MALRD1: variants seen among roughly 807,000 people sequenced by gnomAD.
MALRD1 encodes the protein MAM and LDL-receptor class A domain-containing protein 1.
In MALRD1, 247 loss-of-function variants were observed where a neutral mutation model predicts 242.1. The ratio of observed to expected loss-of-function variants is 1.02; its 90% CI spans 0.92 to 1.13. MALRD1 has a LOEUF of 1.13. Among genes scored for constraint, MALRD1 ranks in the 50% most tolerant of loss-of-function variants. The pLI, the probability that MALRD1 is intolerant of heterozygous loss-of-function variation, is 0.00. For missense variants in MALRD1, 2,989 were observed against 2,533.1 expected (o/e 1.18, Z -3.86); for synonymous variants, 995 against 866.6 (o/e 1.15, Z -2.60).
intron 20 of MALRD1, 94 bp downstream of exon 20, chr10:19,280,317 T>C: frequency 1.1e-6 from 1 of 951,902 alleles, no homozygotes; most frequent in Non-Finnish European, 1.4e-6. Flanking sequence ...CATAGTTAGA[T>C]ATATTCAACA....
At chr10:19,537,185 G>A (rs1243562456) in intron 32 of MALRD1, among the ~76,000 whole-genome samples, 1 of 152,122 alleles carries the variant, frequency 6.6e-6, no homozygotes, top group Non-Finnish European at 1.5e-5. Flanking sequence ...AAAACCATGG[G>A]AAGCTATCGG....
At chr10:19,252,963 T>G (rs1839359687) in intron 18 of MALRD1, among the ~76,000 whole-genome samples, 1 of 152,028 alleles carries the variant, frequency 6.6e-6, no homozygotes, top group Non-Finnish European at 1.5e-5. Context: ...CTAAAAAGTT[T>G]GGAATTCTAA....
chr10:19,357,110 A>G (rs1310534296), intron 26 of MALRD1, among the ~76,000 whole-genome samples: 1 of 9,744 alleles, frequency 1.0e-4, no homozygotes, highest in Non-Finnish European at 2.2e-4. Context: ...ACTCTGTCTG[A>G]AAAAAAAAAA....
At chr10:19,485,628 G>C (rs1441298254) in intron 29 of MALRD1, among the ~76,000 whole-genome samples, 1 of 142,170 alleles carries the variant, frequency 7.0e-6, no homozygotes, top group Non-Finnish European at 1.5e-5. Flanking sequence ...GGGCGACAGA[G>C]CAAGACTCCG....
chr10:19,446,094 G>T (rs565113842), intron 28 of MALRD1, among the ~76,000 whole-genome samples: 18 of 152,256 alleles, frequency 1.2e-4, no homozygotes, highest in South Asian at 4.1e-4. Flanking sequence ...GCCAGGCGTG[G>T]GATATAATTT....
intron 18 of MALRD1, among the ~76,000 whole-genome samples, chr10:19,255,283 C>G (rs1010127671): frequency 5.9e-5 from 9 of 151,914 alleles, no homozygotes; most frequent in African/African-American, 1.9e-4. Context: ...AATTCGACTT[C>G]CCTAATTTCC....
At chr10:19,689,183 A>G (rs539129470) in intron 36 of MALRD1, among the ~76,000 whole-genome samples, 1 of 152,284 alleles carries the variant, frequency 6.6e-6, no homozygotes, top group East Asian at 1.9e-4. Flanking sequence ...AGGGAAGAAT[A>G]TGCTTCTATT....
intron 18 of MALRD1, among the ~76,000 whole-genome samples, chr10:19,253,994 T>C (rs1161701787): frequency 6.6e-6 from 1 of 151,918 alleles, no homozygotes; most frequent in Non-Finnish European, 1.5e-5. Context: ...TGTCTCATTC[T>C]CTCTCCTGTC....
chr10:19,653,595 G>A (rs905162838), intron 36 of MALRD1, among the ~76,000 whole-genome samples: 6 of 132,418 alleles, frequency 4.5e-5, no homozygotes, highest in Non-Finnish European at 7.5e-5. Flanking sequence ...GTTTTCATTT[G>A]TTCATTTTTA....
chr10:19,154,815 TAA>T (rs1352229461), intron 11 of MALRD1, among the ~76,000 whole-genome samples: 1 of 152,238 alleles, frequency 6.6e-6, no homozygotes, highest in Non-Finnish European at 1.5e-5. Flanking sequence ...CTCTATGACA[TAA>T]ATGAAGCCAA....
rs142629407 is a variant in MALRD1 at position 19,198,887 on chromosome 10, G to A, written c.1952-4841G>A. On this transcript the variant is annotated intron_variant, in intron 14 of 39. Transcript: ENST00000454679. ...GTATATTTTATTTTAAATAATTAAT[G>A]ACTATTAACTATTGATGAAGTCTAG... is the stretch of plus-strand genomic sequence containing the variant. Among the ~76,000 whole-genome samples, 1,457 of 152,038 alleles carry A rather than the reference G, an allele frequency of 9.6e-3. 25 individuals are homozygous for A. The highest frequency in any genetic ancestry group is 0.033 in the African/African-American group (1,376 of 41,478).
At chr10:19,293,273 T>TATATAC (rs1554827131) in intron 21 of MALRD1, among the ~76,000 whole-genome samples, 1 of 152,090 alleles carries the variant, frequency 6.6e-6, no homozygotes, top group Non-Finnish European at 1.5e-5. Flanking sequence ...ACTGTAGTTA[T>TATATAC]ATATACATAT....
In MALRD1 at chr10:19,362,905, C is replaced by T. The variant is rs373287745; in HGVS notation, c.4441+10608C>T. 5.9e-5 allele frequency among the ~76,000 whole-genome samples: 9 copies of T among 151,906 alleles called. No individual in the cohort carries two copies. The East Asian group carries it at 9.7e-4, about 16-fold the overall frequency. On this transcript the variant is annotated intron_variant, in intron 26 of 39. Coordinates refer to ENST00000454679, the MANE Select transcript of MALRD1 (RefSeq NM_001142308.3). Reference sequence around the variant, plus strand: ...TAGCAAGAGGTGGTTAAGTGAAAGACTAGATGTGAGGTGAGAGGTAAAAAG... The same window carrying T: ...TAGCAAGAGGTGGTTAAGTGAAAGATTAGATGTGAGGTGAGAGGTAAAAAG...
At chr10:19,323,823 C>A in intron 21 of MALRD1, 126 bp from the exon 22 acceptor site, 1 of 736,550 alleles carries the variant, frequency 1.4e-6, no homozygotes, top group Non-Finnish European at 2.2e-6. Context: ...GGTAGCCAGG[C>A]TGGTCTCGAA....
At chr10:19,249,481 A>C (rs1453641864) in intron 18 of MALRD1, among the ~76,000 whole-genome samples, 1 of 151,956 alleles carries the variant, frequency 6.6e-6, no homozygotes, top group African/African-American at 2.4e-5. Flanking sequence ...TGTAACACCA[A>C]CAGTTTTAGT....
At chr10:19,088,322 A>G in intron 4 of MALRD1, 137 bp downstream of exon 4, 2 of 763,368 alleles carry the variant, frequency 2.6e-6, no homozygotes, top group Non-Finnish European at 3.6e-6. Flanking sequence ...TCAAATGCTG[A>G]AAGTGGACAT....
chr10:19,358,609 A>G (rs1040225601), intron 26 of MALRD1, among the ~76,000 whole-genome samples: 1 of 152,044 alleles, frequency 6.6e-6, no homozygotes, highest in African/African-American at 2.4e-5. Flanking sequence ...ATCTACTTCA[A>G]CCTCTCTAAT....
intron 38 of MALRD1, among the ~76,000 whole-genome samples, chr10:19,718,060 G>A (rs939628116): frequency 1.3e-5 from 2 of 148,858 alleles, no homozygotes; most frequent in African/African-American, 2.5e-5. Context: ...AGAAGAAGAG[G>A]AAGAAGAAGA....
intron 24 of MALRD1, among the ~76,000 whole-genome samples, chr10:19,341,533 T>TAC (rs1236613966): frequency 2.1e-5 from 3 of 145,458 alleles, no homozygotes; most frequent in Non-Finnish European, 3.0e-5. Context: ...TGTATATATA[T>TAC]ACACACATAT....
Sources: allele counts gnomAD v4.1 joint callset (sites outside exome capture counted in the v4.1 genomes callset), GRCh38; gene constraint gnomAD v4.1.1; transcripts MANE v1.5; gene names NCBI Gene and HGNC (gene_info 2026-07-23, HGNC 2026-07-21).